CAST: variants seen among roughly 807,000 people sequenced by gnomAD.
The protein encoded by CAST is calpastatin.
Under a neutral mutation model 119.6 loss-of-function variants are expected in CAST, and 76 were observed. The observed-to-expected ratio is 0.64, with a 90% CI of 0.53 to 0.77. The LOEUF is 0.77. CAST is among the 30% of genes least tolerant of loss of function. CAST has a pLI of 0.00. For synonymous variants in CAST, 319 were observed against 331.6 expected (o/e 0.96, Z 0.41); for missense variants, 953 against 946.5 (o/e 1.01, Z -0.09).
At chr5:95,991,726 G>T in the CAST span, among the ~76,000 whole-genome samples, 1 of 151,642 alleles carries the variant, frequency 6.6e-6, no homozygotes, top group East Asian at 1.9e-4. Context: ...GGCTGGTCTC[G>T]AACTTCTGAG....
At chr5:96,284,965 G>T in the CAST span, among the ~76,000 whole-genome samples, 1 of 152,192 alleles carries the variant, frequency 6.6e-6, no homozygotes, top group East Asian at 1.9e-4. Context: ...ACTAGAAGGG[G>T]ACTTCTATTA....
chr5:96,330,539 T>C, the CAST span, among the ~76,000 whole-genome samples: 1 of 152,196 alleles, frequency 6.6e-6, no homozygotes, highest in Non-Finnish European at 1.5e-5. Flanking sequence ...CACCCCTTTT[T>C]CCCCAGTTCC....
the CAST span, among the ~76,000 whole-genome samples, chr5:96,246,669 C>T: frequency 0.13 from 19,141 of 152,122 alleles, 1,571 homozygotes; most frequent in East Asian, 0.22. Context: ...TTTCTCAGTA[C>T]ATCTACCTTT....
chr5:96,276,288 T>A, the CAST span, among the ~76,000 whole-genome samples: 1 of 152,318 alleles, frequency 6.6e-6, no homozygotes, highest in African/African-American at 2.4e-5. Context: ...ATGTACAATA[T>A]GTTGATATTG....
At chr5:96,663,331 C>G (rs903979781) in intron 1 of CAST, among the ~76,000 whole-genome samples, 1 of 152,174 alleles carries the variant, frequency 6.6e-6, no homozygotes, top group Non-Finnish European at 1.5e-5. Flanking sequence ...AGGTTAGGCT[C>G]GGGGAGAGGC....
chr5:96,756,738 T>C (rs2150620366), intron 22 of CAST, among the ~76,000 whole-genome samples: 1 of 152,306 alleles, frequency 6.6e-6, no homozygotes, highest in Non-Finnish European at 1.5e-5. Context: ...TATATGTATA[T>C]CTTTGTATTT....
the CAST span, among the ~76,000 whole-genome samples, chr5:96,438,533 GTA>G: frequency 6.6e-6 from 1 of 152,112 alleles, no homozygotes; most frequent in Admixed American, 6.5e-5. Context: ...CTTTTGAGGA[GTA>G]CTATTCAGTT....
At chr5:96,470,082 G>A in the CAST span, among the ~76,000 whole-genome samples, 1 of 150,322 alleles carries the variant, frequency 6.7e-6, no homozygotes, top group Non-Finnish European at 1.5e-5. Context: ...GTCCTCTTTG[G>A]CAGGACCCAA....
intron 1 of CAST, among the ~76,000 whole-genome samples, chr5:96,640,738 C>T (rs890815919): frequency 3.3e-5 from 5 of 152,138 alleles, no homozygotes; most frequent in African/African-American, 1.2e-4. Flanking sequence ...ACAGGGGAGG[C>T]CTTTTTATAC....
At chr5:96,334,582 C>T in the CAST span, among the ~76,000 whole-genome samples, 2 of 152,194 alleles carry the variant, frequency 1.3e-5, no homozygotes, top group Non-Finnish European at 2.9e-5. Context: ...AAAGTCACCC[C>T]CACGGTCCTG....
the CAST span, among the ~76,000 whole-genome samples, chr5:96,366,206 C>G: frequency 6.6e-6 from 1 of 152,230 alleles, no homozygotes; most frequent in Non-Finnish European, 1.5e-5. Flanking sequence ...CACTGTTAGT[C>G]TGATGGGCTT....
the CAST span, among the ~76,000 whole-genome samples, chr5:96,031,193 C>T: frequency 8.9e-5 from 13 of 146,138 alleles, no homozygotes; most frequent in African/African-American, 3.3e-4. Context: ...AAACTTTCTT[C>T]AGCCCAATTA....
At chr5:96,418,338 T>C in the CAST span, among the ~76,000 whole-genome samples, 1 of 152,220 alleles carries the variant, frequency 6.6e-6, no homozygotes, top group Non-Finnish European at 1.5e-5. Context: ...AAATGATTTG[T>C]TTAAAAATTA....
chr5:95,988,849 G>T, the CAST span, among the ~76,000 whole-genome samples: 1 of 152,116 alleles, frequency 6.6e-6, no homozygotes, highest in Non-Finnish European at 1.5e-5. Context: ...GTTTAGAAAG[G>T]ACATTTTATC....
At chr5:96,639,948 T>G (rs186629740) in intron 1 of CAST, among the ~76,000 whole-genome samples, 31 of 152,288 alleles carry the variant, frequency 2.0e-4, no homozygotes, top group Non-Finnish European at 4.1e-4. Context: ...ATCTTACCTG[T>G]ACTATTTGCC....
chr5:96,333,055 T>C, the CAST span, among the ~76,000 whole-genome samples: 1 of 152,118 alleles, frequency 6.6e-6, no homozygotes, highest in South Asian at 2.1e-4. Flanking sequence ...AAGAAGTTCT[T>C]GTCTTTTTAT....
At chr5:96,341,166 C>G in the CAST span, among the ~76,000 whole-genome samples, 1 of 152,142 alleles carries the variant, frequency 6.6e-6, no homozygotes, top group Non-Finnish European at 1.5e-5. Context: ...GAATTATTTG[C>G]ACTTTAATTG....
At chr5:96,456,836 C>T in the CAST span, among the ~76,000 whole-genome samples, 1 of 152,126 alleles carries the variant, frequency 6.6e-6, no homozygotes, top group Non-Finnish European at 1.5e-5. Context: ...GGGGGTAGTT[C>T]CCCCATCCTG....
chr5:96,492,912 A>G, the CAST span, among the ~76,000 whole-genome samples: 2 of 152,260 alleles, frequency 1.3e-5, no homozygotes, highest in Non-Finnish European at 2.9e-5. Context: ...CGCAGGTTAG[A>G]GTCCAAAATA....
Sources: allele counts gnomAD v4.1 joint callset (sites outside exome capture counted in the v4.1 genomes callset), GRCh38; gene constraint gnomAD v4.1.1; transcripts MANE v1.5; gene names NCBI Gene and HGNC (gene_info 2026-07-23, HGNC 2026-07-21).